COL4A5: variants seen among roughly 807,000 people sequenced by gnomAD.
COL4A5 encodes collagen alpha-5(IV) chain.
Under a neutral mutation model 130.2 loss-of-function variants are expected in COL4A5, and 26 were observed. The ratio of observed to expected loss-of-function variants is 0.20; its 90% confidence interval spans 0.15 to 0.28. The LOEUF is 0.28. Among genes scored for constraint, COL4A5 ranks in the 10% least tolerant of loss-of-function variants. COL4A5 has a pLI of 1.00. For synonymous variants in COL4A5, 496 were observed against 439.6 expected, an observed-to-expected ratio of 1.13 and a Z score of -1.60; for missense variants, 1,131 against 1,344.3, an observed-to-expected ratio of 0.84 and a Z score of 2.48.
chrX:108,460,369 G>A (rs764359413), intron 1 of COL4A5, among the ~76,000 whole-genome samples: 4 of 111,356 alleles, frequency 3.6e-5, no homozygotes, highest in Non-Finnish European at 5.6e-5. Context: ...ACCCTAGGCC[G>A]TGGATTTCCT....
chrX:108,479,417 C>T (rs2064867179), intron 1 of COL4A5, among the ~76,000 whole-genome samples: 1 of 112,444 alleles, frequency 8.9e-6, no homozygotes, highest in Non-Finnish European at 1.9e-5. Flanking sequence ...CAAAGTTCTG[C>T]CCACTTGGAA....
chrX:108,637,697 C>A (rs2067382947), intron 36 of COL4A5, among the ~76,000 whole-genome samples: 1 of 111,258 alleles, frequency 9.0e-6, no homozygotes, highest in South Asian at 3.7e-4. Flanking sequence ...ATGAAATGGG[C>A]AAATTCCTAG....
At chrX:108,479,128 G>T (rs2064864477) in intron 1 of COL4A5, among the ~76,000 whole-genome samples, 1 of 112,436 alleles carries the variant, frequency 8.9e-6, no homozygotes, top group Non-Finnish European at 1.9e-5. Flanking sequence ...CACAGAATGG[G>T]TCATTCTATC....
chrX:108,565,696 C>A (rs1047284302), intron 4 of COL4A5, among the ~76,000 whole-genome samples: 2 of 111,648 alleles, frequency 1.8e-5, no homozygotes, highest in Non-Finnish European at 3.8e-5. Context: ...AAAACTGGGT[C>A]ATTGTACTGC....
intron 16 of COL4A5, among the ~76,000 whole-genome samples, chrX:108,582,018 A>G (rs2066258748): frequency 9.0e-6 from 1 of 110,605 alleles, no homozygotes. Flanking sequence ...GAGTATCCGC[A>G]GTAGGCAAGA....
chrX:108,450,636 G>A (rs2064500395), intron 1 of COL4A5, among the ~76,000 whole-genome samples: 1 of 110,669 alleles, frequency 9.0e-6, no homozygotes, highest in African/African-American at 3.3e-5. Flanking sequence ...AATGAAGCTG[G>A]TAATTATATT....
chrX:108,481,447 C>T (rs1490084107), intron 1 of COL4A5, among the ~76,000 whole-genome samples: 5 of 111,354 alleles, frequency 4.5e-5, no homozygotes, highest in Non-Finnish European at 7.5e-5. Context: ...GGAGGGGTTG[C>T]GATTCTCTGT....
At chrX:108,629,384 C>T (rs1339188428) in intron 36 of COL4A5, among the ~76,000 whole-genome samples, 1 of 111,285 alleles carries the variant, frequency 9.0e-6, no homozygotes, top group African/African-American at 3.3e-5. Context: ...GCAGGGAAAC[C>T]AGTTATGGTG....
chrX:108,544,518 T>C (rs1423736207), intron 2 of COL4A5, among the ~76,000 whole-genome samples: 1 of 111,947 alleles, frequency 8.9e-6, no homozygotes, highest in Admixed American at 9.5e-5. Context: ...TGCCAGTATT[T>C]TATTGAGAAT....
intron 29 of COL4A5, among the ~76,000 whole-genome samples, chrX:108,612,865 T>C (rs2066860476): frequency 8.9e-6 from 1 of 111,862 alleles, no homozygotes; most frequent in Non-Finnish European, 1.9e-5. Context: ...TGTTAAGACT[T>C]AAAATAAAGC....
At chrX:108,696,037 A>G (rs1317655668) in intron 52 of COL4A5, 6 of 329,764 alleles carry the variant, frequency 1.8e-5, no homozygotes, top group African/African-American at 1.3e-4. Flanking sequence ...AGAGAAAGAG[A>G]AAAAGATAGA....
At chrX:108,583,413 G>T (rs764381338) in intron 17 of COL4A5, among the ~76,000 whole-genome samples, 1 of 111,630 alleles carries the variant, frequency 9.0e-6, no homozygotes, top group Non-Finnish European at 1.9e-5. Flanking sequence ...CAGTCTGACT[G>T]AGGTCATTTA....
At chrX:108,671,597 A>G (rs1322012079) in intron 42 of COL4A5, among the ~76,000 whole-genome samples, 1 of 111,691 alleles carries the variant, frequency 9.0e-6, no homozygotes, top group East Asian at 2.8e-4. Flanking sequence ...CAAATACAAC[A>G]AAGAAAAGTG....
In COL4A5 at chrX:108,580,563, C is replaced by T; in HGVS notation, c.811C>T (p.Pro271Ser). The T allele has an allele frequency of 8.3e-7, 1 of 1,209,801 alleles. No individual in the cohort carries two copies. Among genetic ancestry groups the T allele is most frequent in the Non-Finnish European group, 1.1e-6 (1 of 893,978 alleles). Residue 271 changes from proline (P) to serine (S), a missense_variant, in exon 14 of 53, where the codon CCT becomes TCT. Coordinates refer to ENST00000328300, the MANE Select transcript of COL4A5 (RefSeq NM_033380.3). ...GLPGDRGPPG[P>S]PGIRGPPGPP... is the part of the protein sequence containing the mutation. Reference sequence around the variant, plus strand: ...TCCTGGTGACCGAGGGCCTCCTGGACCTCCAGGGATACGTGGTCCTCCAGT... The same window carrying T: ...TCCTGGTGACCGAGGGCCTCCTGGATCTCCAGGGATACGTGGTCCTCCAGT...
intron 1 of COL4A5, among the ~76,000 whole-genome samples, chrX:108,539,530 T>A (rs907893528): frequency 2.7e-5 from 3 of 111,892 alleles, no homozygotes; most frequent in Non-Finnish European, 3.8e-5. Flanking sequence ...AAAAATTATG[T>A]TTGCTCATTT....
chrX:108,526,718 TTTCTTTCTTCC>T (rs1434521808), intron 1 of COL4A5, among the ~76,000 whole-genome samples: 3 of 91,434 alleles, frequency 3.3e-5, no homozygotes, highest in South Asian at 5.5e-4. Context: ...TCTTTCTTTC[TTTCTTTCTTCC>T]TCCTCCTCCT....
intron 36 of COL4A5, among the ~76,000 whole-genome samples, chrX:108,632,043 G>C (rs1445208764): frequency 9.0e-6 from 1 of 111,061 alleles, no homozygotes; most frequent in East Asian, 2.8e-4. Flanking sequence ...CCAGGAGCTG[G>C]CTTTTTGAAA....
At chrX:108,533,426 C>T (rs1192384144) in intron 1 of COL4A5, among the ~76,000 whole-genome samples, 1 of 111,560 alleles carries the variant, frequency 9.0e-6, no homozygotes, top group Non-Finnish European at 1.9e-5. Flanking sequence ...GGAAAAGAAA[C>T]TATCAACAGA....
At chrX:108,545,132 A>G (rs2065624813) in intron 2 of COL4A5, among the ~76,000 whole-genome samples, 1 of 111,069 alleles carries the variant, frequency 9.0e-6, no homozygotes, top group Non-Finnish European at 1.9e-5. Flanking sequence ...GATCTTAGTT[A>G]TTTCTTGCCT....
Sources: gnomAD v4.1 joint callset for allele counts (sites outside exome capture counted in the v4.1 genomes callset) on GRCh38, gnomAD v4.1.1 for gene constraint, MANE v1.5 for transcripts, NCBI Gene and HGNC (gene_info 2026-07-23, HGNC 2026-07-21) for gene names.